PRR16: variants seen among roughly 807,000 people sequenced by gnomAD.
PRR16 encodes the protein protein Largen.
PRR16 carries 6 observed loss-of-function variants against 18.2 expected under a neutral mutation model. The ratio of observed to expected loss-of-function variants is 0.33; its 90% CI spans 0.18 to 0.65. The LOEUF is 0.65. Among genes scored for constraint, PRR16 ranks in the 30% least tolerant of loss-of-function variants. The pLI, the probability that PRR16 is intolerant of heterozygous loss-of-function variation, is 0.74. For synonymous variants in PRR16, 151 were observed against 147.8 expected (o/e 1.02, Z -0.16); for missense variants, 412 against 376.6 (o/e 1.09, Z -0.78).
chr5:120,505,195 C>T (rs1272511188), intron 1 of PRR16, among the ~76,000 whole-genome samples: 1 of 152,116 alleles, frequency 6.6e-6, no homozygotes, highest in East Asian at 1.9e-4. Context: ...ATAATATAAA[C>T]TTAATGAAGC....
At chr5:120,522,746 C>T (rs1751226558) in intron 1 of PRR16, among the ~76,000 whole-genome samples, 1 of 152,082 alleles carries the variant, frequency 6.6e-6, no homozygotes, top group South Asian at 2.1e-4. Flanking sequence ...ACTGGGACTA[C>T]AGGCGCCCGC....
the PRR16 span, among the ~76,000 whole-genome samples, chr5:120,781,958 A>C: frequency 6.6e-6 from 1 of 151,748 alleles, no homozygotes; most frequent in Non-Finnish European, 1.5e-5. Flanking sequence ...AATTGTAAAA[A>C]CTTTAACAAG....
At chr5:120,755,033 CTTTCT>C in the PRR16 span, among the ~76,000 whole-genome samples, 2 of 86,496 alleles carry the variant, frequency 2.3e-5, no homozygotes, top group South Asian at 3.4e-4. Context: ...TTTTTCACTT[CTTTCT>C]TTTGTCATTT....
At chr5:120,471,332 A>G (rs1280410821) in intron 1 of PRR16, among the ~76,000 whole-genome samples, 1 of 152,144 alleles carries the variant, frequency 6.6e-6, no homozygotes, top group Non-Finnish European at 1.5e-5. Context: ...AAGCTCGTTG[A>G]TACTTAGCAT....
intron 1 of PRR16, among the ~76,000 whole-genome samples, chr5:120,503,108 C>T (rs1462930636): frequency 1.3e-5 from 2 of 151,978 alleles, no homozygotes; most frequent in Non-Finnish European, 2.9e-5. Context: ...GAAAGCCCTT[C>T]AATAAATCAA....
chr5:120,579,081 C>T (rs1753175885), intron 1 of PRR16, among the ~76,000 whole-genome samples: 1 of 151,980 alleles, frequency 6.6e-6, no homozygotes, highest in South Asian at 2.1e-4. Flanking sequence ...ATCCTTTGCC[C>T]ACTTTTTGAT....
chr5:120,547,199 A>G (rs1012169629), intron 1 of PRR16, among the ~76,000 whole-genome samples: 13 of 151,994 alleles, frequency 8.6e-5, no homozygotes, highest in Admixed American at 7.2e-4. Context: ...TCCTACTCCA[A>G]TTAGCATGCT....
intron 1 of PRR16, among the ~76,000 whole-genome samples, chr5:120,560,447 T>G (rs1752540973): frequency 6.6e-6 from 1 of 152,080 alleles, no homozygotes; most frequent in Non-Finnish European, 1.5e-5. Context: ...CTGATTGATT[T>G]GCACACGTTG....
intron 1 of PRR16, among the ~76,000 whole-genome samples, chr5:120,683,371 G>T (rs1757029217): frequency 6.6e-6 from 1 of 151,680 alleles, no homozygotes; most frequent in South Asian, 2.1e-4. Flanking sequence ...GTGTGGTGGT[G>T]GCTGCCTGTA....
At chr5:120,624,867 C>T (rs1202123799) in intron 1 of PRR16, among the ~76,000 whole-genome samples, 2 of 152,000 alleles carry the variant, frequency 1.3e-5, no homozygotes, top group Non-Finnish European at 2.9e-5. Flanking sequence ...CTTTCCTTCA[C>T]TGTTCTCGTG....
the PRR16 span, among the ~76,000 whole-genome samples, chr5:120,791,620 T>TATCTATCTATCTATCTATCTATCC: frequency 1.5e-5 from 2 of 136,328 alleles, no homozygotes; most frequent in Non-Finnish European, 3.2e-5. Flanking sequence ...TCTATCTATC[T>TATCTATCTATCTATCTATCTATCC]ATCCATCCAT....
chr5:120,757,069 A>T, the PRR16 span, among the ~76,000 whole-genome samples: 10 of 152,150 alleles, frequency 6.6e-5, no homozygotes, highest in Admixed American at 6.6e-4. Context: ...AATTTATTGA[A>T]CAGGGAGTAC....
intron 1 of PRR16, among the ~76,000 whole-genome samples, chr5:120,564,179 T>C (rs1024443534): frequency 1.3e-5 from 2 of 151,996 alleles, no homozygotes; most frequent in African/African-American, 4.8e-5. Context: ...AAGGAATGAG[T>C]CACTTTTGTT....
chr5:120,555,208 T>G (rs892581261), intron 1 of PRR16, among the ~76,000 whole-genome samples: 2 of 151,752 alleles, frequency 1.3e-5, no homozygotes, highest in Non-Finnish European at 3.0e-5. Flanking sequence ...TTTTCTCTGC[T>G]CCAAATTTTT....
At chr5:120,685,836 T>C in intron 1 of PRR16, 118 bp from the exon 2 acceptor site, 1 of 1,010,942 alleles carries the variant, frequency 9.9e-7, no homozygotes, top group Admixed American at 2.7e-5. Context: ...CAATGGAATG[T>C]TCAGTTCAAT....
chr5:120,601,263 C>G (rs1753973716), intron 1 of PRR16, among the ~76,000 whole-genome samples: 1 of 151,868 alleles, frequency 6.6e-6, no homozygotes, highest in Non-Finnish European at 1.5e-5. Context: ...TAATAACAGC[C>G]CTTCTGAGTG....
the PRR16 span, among the ~76,000 whole-genome samples, chr5:120,776,647 T>G: frequency 6.6e-6 from 1 of 152,124 alleles, no homozygotes; most frequent in East Asian, 1.9e-4. Context: ...TAAAAGAATT[T>G]GAGATTTAAA....
chr5:120,543,174 A>G (rs1334589310), intron 1 of PRR16, among the ~76,000 whole-genome samples: 2 of 152,166 alleles, frequency 1.3e-5, no homozygotes, highest in Non-Finnish European at 2.9e-5. Context: ...TCTTAAGAAA[A>G]CGGTTGAGCT....
chr5:120,634,987 T>A (rs933491909), intron 1 of PRR16, among the ~76,000 whole-genome samples: 8 of 152,230 alleles, frequency 5.3e-5, no homozygotes, highest in African/African-American at 1.9e-4. Flanking sequence ...ACTATGAACA[T>A]CTTTACATAC....
Sources: gnomAD v4.1 joint callset for allele counts (sites outside exome capture counted in the v4.1 genomes callset) on GRCh38, gnomAD v4.1.1 for gene constraint, MANE v1.5 for transcripts, NCBI Gene and HGNC (gene_info 2026-07-23, HGNC 2026-07-21) for gene names.